The following LMX1A variants were observed in gnomAD, a reference collection of about 807,000 sequenced individuals.
LMX1A encodes the protein LIM homeobox transcription factor 1 alpha.
LMX1A carries 15 observed loss-of-function variants against 49.1 expected under a neutral mutation model. The observed-to-expected ratio is 0.31, with a 90% CI of 0.20 to 0.47. LMX1A has a LOEUF of 0.47. Ranked by LOEUF, LMX1A falls within the 20% of genes least tolerant of loss-of-function variation. The pLI is 1.00. For synonymous variants in LMX1A, 167 were observed against 185.7 expected (o/e 0.90, Z 0.82); for missense variants, 372 against 475.8 (o/e 0.78, Z 2.03).
At chr1:165,325,957 T>C (rs1655565252) in intron 3 of LMX1A, among the ~76,000 whole-genome samples, 1 of 152,072 alleles carries the variant, frequency 6.6e-6, no homozygotes, top group Non-Finnish European at 1.5e-5. Flanking sequence ...TCCTCTTCCT[T>C]CCCCCATCCT....
At chr1:165,318,305 A>G (rs1456431581) in intron 3 of LMX1A, among the ~76,000 whole-genome samples, 1 of 152,222 alleles carries the variant, frequency 6.6e-6, no homozygotes, top group Non-Finnish European at 1.5e-5. Flanking sequence ...TCCTTCCAGG[A>G]TTTGACTTTA....
At chr1:165,293,325 T>C (rs1353594896) in intron 3 of LMX1A, among the ~76,000 whole-genome samples, 2 of 152,194 alleles carry the variant, frequency 1.3e-5, no homozygotes, top group African/African-American at 4.8e-5. Flanking sequence ...ATGTTTAAAA[T>C]AGCACTTTCA....
chr1:165,292,061 CAAAAAAA>C (rs771664986), intron 3 of LMX1A, among the ~76,000 whole-genome samples: 4 of 82,542 alleles, frequency 4.8e-5, no homozygotes, highest in African/African-American at 1.3e-4. Flanking sequence ...AACTCCGTCT[CAAAAAAA>C]AAAAAAAAAA....
chr1:165,280,151 A>G (rs1654103819), intron 3 of LMX1A, among the ~76,000 whole-genome samples: 1 of 152,164 alleles, frequency 6.6e-6, no homozygotes, highest in Admixed American at 6.5e-5. Context: ...CGTAAAATGT[A>G]TTCTCAGCAG....
At chr1:165,269,687 T>A (rs1653737160) in intron 3 of LMX1A, among the ~76,000 whole-genome samples, 1 of 152,188 alleles carries the variant, frequency 6.6e-6, no homozygotes, top group South Asian at 2.1e-4. Flanking sequence ...CTGTGGTACA[T>A]ATACACCATG....
intron 4 of LMX1A, among the ~76,000 whole-genome samples, chr1:165,220,161 GA>G (rs1445722464): frequency 6.6e-6 from 1 of 152,072 alleles, no homozygotes; most frequent in Non-Finnish European, 1.5e-5. Context: ...GGATAAAAAA[GA>G]AGAACCCCTT....
intron 4 of LMX1A, among the ~76,000 whole-genome samples, chr1:165,245,908 G>T (rs1190154139): frequency 6.6e-6 from 1 of 151,950 alleles, no homozygotes; most frequent in Middle Eastern, 3.4e-3. Context: ...TGCCAGGTTT[G>T]TGTCATCTGT....
At chr1:165,339,605 A>AAGC (rs1239872773) in intron 3 of LMX1A, among the ~76,000 whole-genome samples, 1 of 152,224 alleles carries the variant, frequency 6.6e-6, no homozygotes, top group Non-Finnish European at 1.5e-5. Flanking sequence ...CGCATTGGCA[A>AAGC]AGCAGCTCTG....
intron 3 of LMX1A, among the ~76,000 whole-genome samples, chr1:165,317,272 A>G (rs1557882575): frequency 1.3e-5 from 2 of 152,236 alleles, no homozygotes; most frequent in African/African-American, 4.8e-5. Context: ...AGATAGAATT[A>G]ATACATATGC....
At chr1:165,220,846 A>C (rs2102611602) in intron 4 of LMX1A, among the ~76,000 whole-genome samples, 1 of 152,268 alleles carries the variant, frequency 6.6e-6, no homozygotes, top group East Asian at 1.9e-4. Flanking sequence ...GGAGACCTGG[A>C]TCCTAGTTCT....
chr1:165,327,350 T>A (rs1247820380), intron 3 of LMX1A, among the ~76,000 whole-genome samples: 4 of 152,156 alleles, frequency 2.6e-5, no homozygotes, highest in African/African-American at 4.8e-5. Flanking sequence ...AAGCCATGTT[T>A]CAAAGGACTA....
chr1:165,307,747 G>A (rs1654961363), intron 3 of LMX1A, among the ~76,000 whole-genome samples: 2 of 152,210 alleles, frequency 1.3e-5, no homozygotes, highest in African/African-American at 2.4e-5. Flanking sequence ...TTCATCCATA[G>A]GAGCCTGGAC....
At chr1:165,291,963 G>A (rs1219038197) in intron 3 of LMX1A, among the ~76,000 whole-genome samples, 3 of 150,898 alleles carry the variant, frequency 2.0e-5, no homozygotes, top group Admixed American at 1.3e-4. Context: ...ACGGGAGGCT[G>A]AGGCAGGAGA....
intron 3 of LMX1A, among the ~76,000 whole-genome samples, chr1:165,259,757 T>C (rs1396701546): frequency 1.3e-5 from 2 of 152,156 alleles, no homozygotes; most frequent in African/African-American, 4.8e-5. Context: ...ACTAAAGAGA[T>C]TATACCATGG....
chr1:165,287,641 A>C (rs930026988), intron 3 of LMX1A, among the ~76,000 whole-genome samples: 15 of 152,166 alleles, frequency 9.9e-5, no homozygotes, highest in Non-Finnish European at 1.8e-4. Flanking sequence ...CAAGGGCCAC[A>C]CCAGCCCTGT....
At chr1:165,205,158 C>A (rs1031728808) in intron 8 of LMX1A, among the ~76,000 whole-genome samples, 1 of 152,142 alleles carries the variant, frequency 6.6e-6, no homozygotes, top group African/African-American at 2.4e-5. Flanking sequence ...GCATTACATA[C>A]AACACTAACC....
chr1:165,300,967 A>G (rs1360876260), intron 3 of LMX1A, among the ~76,000 whole-genome samples: 1 of 152,168 alleles, frequency 6.6e-6, no homozygotes, highest in African/African-American at 2.4e-5. Context: ...CAGGAGTTTG[A>G]CAGCAGTAGG....
intron 3 of LMX1A, among the ~76,000 whole-genome samples, chr1:165,299,117 G>A (rs1052139094): frequency 1.3e-5 from 2 of 152,198 alleles, no homozygotes; most frequent in African/African-American, 4.8e-5. Context: ...CATCCTTCTG[G>A]TATATCTCAG....
chr1:165,290,721 G>C (rs1234274810), intron 3 of LMX1A, among the ~76,000 whole-genome samples: 1 of 152,204 alleles, frequency 6.6e-6, no homozygotes, highest in Non-Finnish European at 1.5e-5. Context: ...AAGGATCACA[G>C]ACTCTCAGAT....
Sources: allele counts gnomAD v4.1 joint callset (sites outside exome capture counted in the v4.1 genomes callset), GRCh38; gene constraint gnomAD v4.1.1; transcripts MANE v1.5; gene names NCBI Gene and HGNC (gene_info 2026-07-23, HGNC 2026-07-21).